SLC35F4: variants seen among roughly 807,000 people sequenced by gnomAD.
The protein encoded by SLC35F4 is solute carrier family 35 member F4.
A neutral mutation model predicts 44.2 loss-of-function variants in SLC35F4; 24 were observed. The observed-to-expected ratio is 0.54, with a 90% CI of 0.39 to 0.76. The LOEUF is 0.76. SLC35F4 is among the 30% of genes least tolerant of loss of function. The pLI, the probability that SLC35F4 is intolerant of heterozygous loss-of-function variation, is 0.00. For missense variants in SLC35F4, 562 were observed against 586.1 expected (o/e 0.96, Z 0.42); for synonymous variants, 238 against 223.6 (o/e 1.06, Z -0.57).
Position 57,631,161 on chromosome 14 carries a change from T to C in SLC35F4, c.104-37037A>G, listed in dbSNP as rs142997881. On this transcript the variant is annotated intron_variant, in intron 1 of 7. Coordinates refer to ENST00000556826, the MANE Select transcript of SLC35F4 (RefSeq NM_001306087.2). ...GGCCTTTATGTCTTGTCAAGGTGTCTTGTCATGATAATTATTTATGATGAA... is the reference window on the plus strand; with the variant it reads ...GGCCTTTATGTCTTGTCAAGGTGTCCTGTCATGATAATTATTTATGATGAA... 1,362 of 152,446 alleles carry C rather than the reference T, an allele frequency of 8.9e-3. 12 individuals carry two copies. The highest frequency in any genetic ancestry group is 0.012 in the Non-Finnish European group (806 of 68,198). 9.4% of individuals were successfully genotyped at this position (152,446 alleles called of 1,614,324 possible).
intron 1 of SLC35F4, among the ~76,000 whole-genome samples, chr14:57,656,055 T>A (rs1261483507): frequency 6.6e-6 from 1 of 152,000 alleles, no homozygotes; most frequent in Non-Finnish European, 1.5e-5. Context: ...TTTTGGGAAC[T>A]TGCCCTTCCC....
intron 2 of SLC35F4, among the ~76,000 whole-genome samples, chr14:57,590,932 T>C (rs1013279396): frequency 3.3e-5 from 5 of 152,214 alleles, no homozygotes; most frequent in African/African-American, 1.2e-4. Flanking sequence ...TTTACCCAGT[T>C]AAGGCTTTCT....
intron 1 of SLC35F4, among the ~76,000 whole-genome samples, chr14:57,906,894 A>G (rs1337304678): frequency 1.3e-5 from 2 of 152,356 alleles, no homozygotes; most frequent in Non-Finnish European, 2.9e-5. Context: ...AGCTGTACAC[A>G]TTAAATGCTT....
At chr14:57,935,451 G>A (rs1052709232) in intron 1 of SLC35F4, among the ~76,000 whole-genome samples, 7 of 152,212 alleles carry the variant, frequency 4.6e-5, no homozygotes, top group African/African-American at 1.4e-4. Flanking sequence ...TAGAGAGACT[G>A]TAGAGAGAAG....
intron 1 of SLC35F4, among the ~76,000 whole-genome samples, chr14:57,611,429 G>T (rs907819696): frequency 1.3e-5 from 2 of 152,064 alleles, no homozygotes; most frequent in Admixed American, 1.3e-4. Context: ...TGAGTATAGA[G>T]AAGATGCCCA....
intron 1 of SLC35F4, among the ~76,000 whole-genome samples, chr14:57,831,766 G>A (rs1884395122): frequency 6.6e-6 from 1 of 152,118 alleles, no homozygotes; most frequent in Non-Finnish European, 1.5e-5. Context: ...TTGCAAAACA[G>A]AAGAAACATT....
intron 1 of SLC35F4, among the ~76,000 whole-genome samples, chr14:57,627,052 G>A (rs1487756427): frequency 6.6e-6 from 1 of 152,056 alleles, no homozygotes; most frequent in African/African-American, 2.4e-5. Context: ...TCCAATAAAT[G>A]AAATTCACAA....
chr14:57,661,946 C>T (rs930359794), intron 1 of SLC35F4, among the ~76,000 whole-genome samples: 2 of 152,200 alleles, frequency 1.3e-5, no homozygotes, highest in African/African-American at 4.8e-5. Context: ...CAGACCATAA[C>T]ATAAAGAACT....
chr14:57,755,509 A>G (rs2076975310), intron 1 of SLC35F4, among the ~76,000 whole-genome samples: 1 of 152,202 alleles, frequency 6.6e-6, no homozygotes, highest in African/African-American at 2.4e-5. Context: ...GACTGGGTTG[A>G]TCATAAACAA....
chr14:57,596,855 C>T, intron 1 of SLC35F4: 10 of 1,367,640 alleles, frequency 7.3e-6, no homozygotes, highest in South Asian at 2.3e-5. Flanking sequence ...AGCTGCCTCC[C>T]ACTGGTCAGT....
At chr14:57,863,952 C>G (rs1251632438) in intron 1 of SLC35F4, among the ~76,000 whole-genome samples, 1 of 152,034 alleles carries the variant, frequency 6.6e-6, no homozygotes, top group East Asian at 1.9e-4. Flanking sequence ...CTTTTTTTGT[C>G]CTGTTATTGT....
chr14:57,938,212 C>T (rs74411987), intron 1 of SLC35F4, among the ~76,000 whole-genome samples: 3,071 of 152,112 alleles, frequency 0.02, 86 homozygotes, highest in East Asian at 0.086. Flanking sequence ...AGTAGCCAAA[C>T]AGCTCAACAC....
At chr14:57,620,661 G>A (rs2072127292) in intron 1 of SLC35F4, among the ~76,000 whole-genome samples, 1 of 152,138 alleles carries the variant, frequency 6.6e-6, no homozygotes, top group African/African-American at 2.4e-5. Context: ...CTGTGGGTTT[G>A]TCATAGATAG....
chr14:57,774,322 C>T (rs972507912), intron 1 of SLC35F4, among the ~76,000 whole-genome samples: 6 of 152,126 alleles, frequency 3.9e-5, no homozygotes, highest in Non-Finnish European at 8.8e-5. Context: ...CCACTCTCAC[C>T]CTGAGCCTCT....
intron 1 of SLC35F4, among the ~76,000 whole-genome samples, chr14:57,864,776 C>T (rs1029533943): frequency 6.6e-6 from 1 of 152,128 alleles, no homozygotes; most frequent in Non-Finnish European, 1.5e-5. Flanking sequence ...AAGAAAAAAG[C>T]GAAAGCCCAC....
chr14:57,590,741 C>T (rs958876579), intron 2 of SLC35F4, among the ~76,000 whole-genome samples: 1 of 152,162 alleles, frequency 6.6e-6, no homozygotes, highest in African/African-American at 2.4e-5. Context: ...TCTCTTGTGT[C>T]TCCAAAGACC....
At chr14:57,658,742 A>T (rs1272653999) in intron 1 of SLC35F4, among the ~76,000 whole-genome samples, 1 of 152,194 alleles carries the variant, frequency 6.6e-6, no homozygotes, top group East Asian at 1.9e-4. Context: ...CTCTACAGAT[A>T]TATGGATGTC....
chr14:57,572,502 A>G (rs1464718666), intron 4 of SLC35F4, among the ~76,000 whole-genome samples: 1 of 152,150 alleles, frequency 6.6e-6, no homozygotes, highest in African/African-American at 2.4e-5. Context: ...CATGATATTG[A>G]TACAGCTAAG....
intron 1 of SLC35F4, among the ~76,000 whole-genome samples, chr14:57,864,574 T>C (rs1247632224): frequency 6.6e-6 from 1 of 152,102 alleles, no homozygotes; most frequent in Non-Finnish European, 1.5e-5. Context: ...CATGAAAAAA[T>C]AGTGTTTTCT....
Sources: allele counts gnomAD v4.1 joint callset (sites outside exome capture counted in the v4.1 genomes callset), GRCh38; gene constraint gnomAD v4.1.1; transcripts MANE v1.5; gene names NCBI Gene and HGNC (gene_info 2026-07-23, HGNC 2026-07-21).